The following SLMAP variants were observed in gnomAD, a reference collection of about 807,000 sequenced individuals.
SLMAP encodes the protein sarcolemma associated protein, also known as sarcolemmal membrane-associated protein.
SLMAP carries 44 observed loss-of-function variants against 128.8 expected under a neutral mutation model. The ratio of observed to expected loss-of-function variants is 0.34; its 90% CI spans 0.27 to 0.44. The LOEUF is 0.44. Among genes scored for constraint, SLMAP ranks in the 20% least tolerant of loss-of-function variants. The pLI, the probability that SLMAP is intolerant of heterozygous loss-of-function variation, is 1.00. For synonymous variants in SLMAP, 327 were observed against 348.8 expected, an observed-to-expected ratio of 0.94 and a Z score of 0.70; for missense variants, 787 against 985.3, an observed-to-expected ratio of 0.80 and a Z score of 2.69.
chr3:57,782,610 C>A (rs1290103879), intron 2 of SLMAP, among the ~76,000 whole-genome samples: 1 of 152,042 alleles, frequency 6.6e-6, no homozygotes, highest in Non-Finnish European at 1.5e-5. Flanking sequence ...GTAGCTGGGA[C>A]TACAGGTGTG....
chr3:57,919,110 G>A (rs574950531), intron 22 of SLMAP, among the ~76,000 whole-genome samples: 10 of 152,348 alleles, frequency 6.6e-5, no homozygotes, highest in South Asian at 4.1e-4. Context: ...GCTGGGCGCC[G>A]TGGCTCACGC....
At chr3:57,760,325 T>C (rs895574345) in intron 2 of SLMAP, among the ~76,000 whole-genome samples, 3 of 152,238 alleles carry the variant, frequency 2.0e-5, no homozygotes, top group Admixed American at 6.5e-5. Flanking sequence ...TCCTGCTTTA[T>C]TAGCTAAAAT....
chr3:57,895,294 C>G (rs2096210409), intron 15 of SLMAP, among the ~76,000 whole-genome samples: 2 of 152,032 alleles, frequency 1.3e-5, no homozygotes, highest in Non-Finnish European at 2.9e-5. Flanking sequence ...TTGGACCAGG[C>G]AGAAGACCTC....
Position 57,775,994 on chromosome 3 carries a change from G to A in SLMAP, c.198+18145G>A, listed in dbSNP as rs542955065. 5.3e-5 allele frequency among the ~76,000 whole-genome samples: 8 copies of A among 152,146 alleles called. No homozygotes were observed. In the South Asian group the frequency reaches 1.0e-3, roughly 20 times the overall value. On this transcript the variant is annotated intron_variant, in intron 2 of 24. Coordinates refer to ENST00000671191, the MANE Select transcript of SLMAP (RefSeq NM_001377540.1). ...GATTATAGGCGTGAGCCACCACGCC[G>A]GGCCAATTTTTTAAATAATTTAAAA... is the stretch of plus-strand genomic sequence containing the variant.
chr3:57,832,823 G>A (rs2093419245), intron 3 of SLMAP, among the ~76,000 whole-genome samples: 1 of 152,122 alleles, frequency 6.6e-6, no homozygotes, highest in South Asian at 2.1e-4. Flanking sequence ...AATTTGGGCA[G>A]GGCCAACATC....
At chr3:57,821,343 T>G (rs2092494350) in intron 2 of SLMAP, among the ~76,000 whole-genome samples, 1 of 152,152 alleles carries the variant, frequency 6.6e-6, no homozygotes, top group Admixed American at 6.6e-5. Flanking sequence ...ATTAACATCA[T>G]TTGTAAGACG....
chr3:57,897,251 G>A (rs2096265395), intron 17 of SLMAP: 2 of 515,116 alleles, frequency 3.9e-6, no homozygotes, highest in Non-Finnish European at 5.9e-6. Context: ...TTAGAATAAG[G>A]TGAAAATCTT....
intron 15 of SLMAP, among the ~76,000 whole-genome samples, chr3:57,893,504 A>G (rs958257189): frequency 6.6e-6 from 1 of 152,114 alleles, no homozygotes; most frequent in Non-Finnish European, 1.5e-5. Flanking sequence ...TGAGATCTTG[A>G]TGGAAAATTT....
At chr3:57,841,241 T>A (rs2093920927) in intron 3 of SLMAP, 58 bp from the exon 4 acceptor site, 1 of 1,037,728 alleles carries the variant, frequency 9.6e-7, no homozygotes, top group African/African-American at 1.6e-5. Flanking sequence ...ATGAGAGGTG[T>A]GAAGTTTTAT....
intron 5 of SLMAP, among the ~76,000 whole-genome samples, chr3:57,848,611 CTCT>C (rs2094381350): frequency 2.0e-5 from 3 of 148,568 alleles, no homozygotes; most frequent in Admixed American, 6.8e-5. Context: ...CCTCCTCCCC[CTCT>C]TCTTTTTCTT....
chr3:57,807,214 T>A (rs192008078), intron 2 of SLMAP, among the ~76,000 whole-genome samples: 2 of 152,318 alleles, frequency 1.3e-5, no homozygotes, highest in Admixed American at 1.3e-4. Context: ...GATGGGGTTG[T>A]TTTTTTCTTG....
intron 2 of SLMAP, among the ~76,000 whole-genome samples, chr3:57,815,173 G>A (rs778433950): frequency 3.9e-5 from 6 of 152,212 alleles, no homozygotes; most frequent in African/African-American, 1.4e-4. Flanking sequence ...CACATGCATC[G>A]TTCACAATAG....
At chr3:57,868,761 T>C (rs2095374923) in intron 13 of SLMAP, among the ~76,000 whole-genome samples, 1 of 142,966 alleles carries the variant, frequency 7.0e-6, no homozygotes, top group African/African-American at 2.6e-5. Context: ...CACATTGTAT[T>C]AGTCAGGGTT....
At chr3:57,854,306 G>A (rs1178365532) in intron 6 of SLMAP, among the ~76,000 whole-genome samples, 1 of 115,212 alleles carries the variant, frequency 8.7e-6, no homozygotes, top group African/African-American at 3.4e-5. Flanking sequence ...CTTTTTAAAT[G>A]TATATATTGG....
At chr3:57,892,799 CACACACACACAT>C (rs1375642541) in intron 15 of SLMAP, among the ~76,000 whole-genome samples, 3 of 148,904 alleles carry the variant, frequency 2.0e-5, no homozygotes, top group Admixed American at 6.7e-5. Context: ...CACACACACA[CACACACACACAT>C]ACACACACAA....
chr3:57,909,604 G>T (rs1205519846), intron 19 of SLMAP, among the ~76,000 whole-genome samples: 1 of 151,890 alleles, frequency 6.6e-6, no homozygotes, highest in Non-Finnish European at 1.5e-5. Flanking sequence ...GGCTCTTGGT[G>T]GAGCTTTATT....
At chr3:57,905,379 T>G (rs954481267) in intron 17 of SLMAP, among the ~76,000 whole-genome samples, 1 of 152,058 alleles carries the variant, frequency 6.6e-6, no homozygotes, top group African/African-American at 2.4e-5. Flanking sequence ...CCTCCTGGGT[T>G]CAAGCGATTC....
At chr3:57,764,107 G>T (rs2079189577) in intron 2 of SLMAP, among the ~76,000 whole-genome samples, 1 of 152,166 alleles carries the variant, frequency 6.6e-6, no homozygotes, top group Non-Finnish European at 1.5e-5. Context: ...GTGGTGCCAG[G>T]TTGTGAAGTG....
chr3:57,834,556 T>C (rs558713763), intron 3 of SLMAP, among the ~76,000 whole-genome samples: 1 of 152,224 alleles, frequency 6.6e-6, no homozygotes, highest in South Asian at 2.1e-4. Context: ...TTTGATTAAT[T>C]GATTGTTTTT....
Sources: allele counts gnomAD v4.1 joint callset (sites outside exome capture counted in the v4.1 genomes callset), GRCh38; gene constraint gnomAD v4.1.1; transcripts MANE v1.5; gene names NCBI Gene and HGNC (gene_info 2026-07-23, HGNC 2026-07-21).